The following CYTH3 variants were observed in gnomAD, a reference collection of about 807,000 sequenced individuals.
CYTH3 encodes cytohesin 3, also known as cytohesin-3.
CYTH3 carries 23 observed loss-of-function variants against 55.1 expected under a neutral mutation model. That is an observed-to-expected ratio of 0.42 (90% CI 0.30 to 0.59). CYTH3 has a LOEUF of 0.59. Among genes scored for constraint, CYTH3 ranks in the 20% least tolerant of loss-of-function variants. The pLI, the probability that CYTH3 is intolerant of heterozygous loss-of-function variation, is 0.20. For synonymous variants in CYTH3, 249 were observed against 194.9 expected, an observed-to-expected ratio of 1.28 and a Z score of -2.31; for missense variants, 413 against 524.8, an observed-to-expected ratio of 0.79 and a Z score of 2.08.
chr7:6,175,055 C>CAGTA (rs1783308637), intron 5 of CYTH3, among the ~76,000 whole-genome samples: 1 of 152,180 alleles, frequency 6.6e-6, no homozygotes, highest in Non-Finnish European at 1.5e-5. Context: ...AGTATGATAA[C>CAGTA]TGGTCCTTAT....
chr7:6,171,667 C>A lies in CYTH3; in HGVS notation c.450-353G>T. On this transcript the variant is annotated intron_variant, in intron 6 of 12. Transcript: ENST00000350796. This position sits in a 1 kb window ranked among gnomAD's most constrained non-coding sequence, Gnocchi z 6.7. The stretch of plus-strand genomic sequence containing the variant: ...GTGATCACCAGAGCCCTGCCTGTCC[C>A]GAGCTGCCACCAGCCGGTCCTCCTT... The A allele has an allele frequency of 3.7e-6, 1 of 268,112 alleles. No homozygotes were observed. The allele number at this position is 268,112 out of a possible 1,614,324, so 16.6% of individuals were successfully genotyped here.
rs1783043492 is a variant in CYTH3, at chr7:6,167,426, A to T, written c.824-1616T>A. On this transcript the variant is annotated intron_variant, in intron 9 of 12. Transcript: ENST00000350796. This position sits in a 1 kb window ranked among gnomAD's most constrained non-coding sequence, Gnocchi z 5.5. Reference sequence around the variant, plus strand: ...AACTGCTGTGGCAGAATCAGCTGACAGCAACTCCACTACCCTGACATCCGT... The same window carrying T: ...AACTGCTGTGGCAGAATCAGCTGACTGCAACTCCACTACCCTGACATCCGT... Among the ~76,000 whole-genome samples the T allele has an allele frequency of 6.6e-6, 1 of 152,170 alleles. No individual in the cohort carries two copies. The highest frequency in any genetic ancestry group is 1.9e-4 in the East Asian group (1 of 5,180).
At chr7:6,228,976 C>G (rs1363235397) in intron 1 of CYTH3, among the ~76,000 whole-genome samples, 1 of 152,120 alleles carries the variant, frequency 6.6e-6, no homozygotes, top group Non-Finnish European at 1.5e-5. Context: ...TCTGAAGGCT[C>G]CTAGGGCACA....
chr7:6,196,445 T>C (rs1783930427), intron 1 of CYTH3, among the ~76,000 whole-genome samples: 1 of 144,398 alleles, frequency 6.9e-6, no homozygotes, highest in South Asian at 2.2e-4. Context: ...GAGCATCTTT[T>C]TTCTTTTTTT....
chr7:6,187,388 T>C (rs574104839), intron 3 of CYTH3, among the ~76,000 whole-genome samples: 13 of 152,328 alleles, frequency 8.5e-5, no homozygotes, highest in Non-Finnish European at 1.3e-4. Flanking sequence ...AGGCAGGTAA[T>C]TTCTGTGCGG....
chr7:6,246,156 C>T (rs1779809831), intron 1 of CYTH3, among the ~76,000 whole-genome samples: 1 of 151,976 alleles, frequency 6.6e-6, no homozygotes, highest in South Asian at 2.1e-4. Context: ...TCACAGCTCA[C>T]TGCGGCCTCA....
At chr7:6,173,085 TCAAGGCC>T (rs1273866221) in intron 6 of CYTH3, 2 of 1,056,406 alleles carry the variant, frequency 1.9e-6, no homozygotes, top group Non-Finnish European at 2.3e-6. Flanking sequence ...TGGCTCAGGG[TCAAGGCC>T]CAGAACAGAT....
At chr7:6,210,031 G>A (rs1284110384) in intron 1 of CYTH3, among the ~76,000 whole-genome samples, 2 of 152,084 alleles carry the variant, frequency 1.3e-5, no homozygotes, top group Admixed American at 6.6e-5. Context: ...TACGGTAATG[G>A]TGGATCCATG....
intron 1 of CYTH3, among the ~76,000 whole-genome samples, chr7:6,205,605 G>T (rs1784166295): frequency 1.3e-5 from 2 of 151,952 alleles, no homozygotes; most frequent in African/African-American, 2.4e-5. Context: ...GAAAAGAAGA[G>T]AAAGATAATG....
rs1485543542 is a variant in CYTH3, at chr7:6,165,196, C to A, written c.1127+77G>T. 8 of 1,564,372 alleles carry A rather than the reference C, an allele frequency of 5.1e-6. No homozygotes were observed. The East Asian group carries it at 1.3e-4, about 26-fold the overall frequency. On this transcript the variant is annotated intron_variant, in intron 12 of 12. Transcript: ENST00000350796. ...GGTCCACTCTTGCACACGGAAGCAT[C>A]CATGTTCCAGACCATCCCCCGCCCT...
chr7:6,184,304 C>G (rs1772941747), intron 4 of CYTH3, among the ~76,000 whole-genome samples: 1 of 151,952 alleles, frequency 6.6e-6, no homozygotes, highest in Non-Finnish European at 1.5e-5. Flanking sequence ...TCATGATCCA[C>G]CCGCCTCAGC....
rs537480157 is a variant in CYTH3, at chr7:6,214,594, G to A, written c.35-24063C>T. Among the ~76,000 whole-genome samples, 7 of 152,204 alleles carry A rather than the reference G, an allele frequency of 4.6e-5. No individual in the cohort carries two copies. The South Asian group carries it at 1.2e-3, about 27-fold the overall frequency. On this transcript the variant is annotated intron_variant, in intron 1 of 12. Coordinates refer to ENST00000350796, the MANE Select transcript of CYTH3 (RefSeq NM_004227.4). ...ACTATGAGAGCTGGTACCTAAGAGG[G>A]CCACATTCCACCTGGCCTAGGAATG...
At chr7:6,200,281 T>C (rs1024120676) in intron 1 of CYTH3, among the ~76,000 whole-genome samples, 1 of 152,200 alleles carries the variant, frequency 6.6e-6, no homozygotes, top group Non-Finnish European at 1.5e-5. Context: ...AGTGACACCC[T>C]GACACATTTT....
intron 1 of CYTH3, among the ~76,000 whole-genome samples, chr7:6,229,125 A>G (rs1234693951): frequency 1.3e-5 from 2 of 152,192 alleles, no homozygotes; most frequent in Non-Finnish European, 2.9e-5. Flanking sequence ...AATTAGCCAA[A>G]TAAAGTGTAG....
intron 4 of CYTH3, among the ~76,000 whole-genome samples, chr7:6,179,618 A>AAC (rs1783427946): frequency 8.1e-6 from 1 of 123,360 alleles, no homozygotes. Flanking sequence ...CACCACACAC[A>AAC]CACACCCCCC....
intron 9 of CYTH3, among the ~76,000 whole-genome samples, chr7:6,166,185 G>A (rs1782999295): frequency 6.6e-6 from 1 of 152,218 alleles, no homozygotes; most frequent in Admixed American, 6.5e-5. Context: ...GCATTACAGA[G>A]GCCCTTGGGC....
chr7:6,258,802 G>A (rs1780201612), intron 1 of CYTH3, among the ~76,000 whole-genome samples: 1 of 152,154 alleles, frequency 6.6e-6, no homozygotes, highest in Admixed American at 6.5e-5. Flanking sequence ...ATTGTTTAAA[G>A]TCTATCAGCC....
Position 6,239,985 on chromosome 7 carries a change from GTTAAT to G in CYTH3, c.34+32484_34+32488del, listed in dbSNP as rs2047722549. Among the ~76,000 whole-genome samples the G allele has an allele frequency of 2.0e-5, 3 of 152,276 alleles. No individual in the cohort carries two copies. In the South Asian group the frequency reaches 6.2e-4, roughly 32 times the overall value. Reference sequence around the variant, plus strand: ...AACATCATAAAGATACATTTTCTAAGTTAATTTATATATTTAATGCAATCAGAATG... The same window carrying G: ...AACATCATAAAGATACATTTTCTAAGTTATATATTTAATGCAATCAGAATG... On this transcript the variant is annotated intron_variant, in intron 1 of 12. Transcript: ENST00000350796.
rs1355494506 is a variant in CYTH3, at chr7:6,187,672, G to A, written c.167C>T (p.Thr56Ile). 6.2e-7 allele frequency: 1 copy of A among 1,613,972 alleles called. No homozygotes were observed. The highest frequency in any genetic ancestry group is 8.5e-7 in the Non-Finnish European group (1 of 1,179,816). ...AEVMTEIDNL[T>I]SVEESKTTQR... ...AAATTGTTACCTCTCCTCTACGGAA[G>A]TTAGATTGTCGATCTCTGTCATCAC... is the stretch of plus-strand genomic sequence containing the variant. The change falls in exon 3 of 13, where the codon ACT becomes ATT. Residue 56 changes from threonine to isoleucine, a missense_variant. Transcript: ENST00000350796.
Sources: gnomAD v4.1 joint callset for allele counts (sites outside exome capture counted in the v4.1 genomes callset) on GRCh38, gnomAD v4.1.1 for gene constraint, Gnocchi (gnomAD v3.1) non-coding constraint, MANE v1.5 for transcripts, NCBI Gene and HGNC (gene_info 2026-07-23, HGNC 2026-07-21) for gene names.